ANK2: variants seen among roughly 807,000 people sequenced by gnomAD.
ANK2 encodes the protein ankyrin 2.
ANK2 carries 83 observed loss-of-function variants against 360.5 expected under a neutral mutation model. The ratio of observed to expected loss-of-function variants is 0.23; its 90% CI spans 0.19 to 0.28. The LOEUF (loss-of-function observed/expected upper bound fraction) is 0.28. Ranked by LOEUF, ANK2 falls within the 10% of genes least tolerant of loss-of-function variation. The probability of loss-of-function intolerance (pLI) is 1.00; values close to 1 mark genes in which losing one functional copy is unlikely to be tolerated. For missense variants in ANK2, 4,201 were observed against 4,795.7 expected (o/e 0.88, Z 3.66); for synonymous variants, 1,740 against 1,759.5 (o/e 0.99, Z 0.28).
In ANK2 at chr4:113,373,414, C is replaced by A. The variant is rs1344245343; in HGVS notation, c.11824C>A (p.Arg3942Ser). The A allele has an allele frequency of 2.5e-6, 4 of 1,614,006 alleles. No homozygotes were observed. Among genetic ancestry groups the A allele is most frequent in the African/African-American group, 1.3e-5 (1 of 74,908 alleles). Reference protein sequence around the residue: ...EGDGYSKVIKRVVLKSDTEQS... With the variant: ...EGDGYSKVIKSVVLKSDTEQS... ...GGATGGCTATTCCAAAGTTATAAAG[C>A]GTGTTGTATTGAAGAGTGACACCGA... The change falls in exon 45 of 46, where the codon CGT (arginine) becomes AGT (serine). Residue 3942 changes from arginine (R) to serine (S), a missense_variant. By Grantham distance (110) the Arg-to-Ser change is moderately radical. Around this residue, in one of 4 missense-constraint regions of ANK2, gnomAD observed 2,642 missense variants for 2,714.5 expected, o/e 0.97. Coordinates refer to ENST00000357077, the MANE Select transcript of ANK2 (RefSeq NM_001148.6).
intron 1 of ANK2, among the ~76,000 whole-genome samples, chr4:112,889,364 A>G (rs1048147153): frequency 6.6e-5 from 10 of 152,146 alleles, no homozygotes; most frequent in Non-Finnish European, 1.2e-4. Context: ...TGGGCAGAAT[A>G]CTATAGACTA....
chr4:112,885,075 T>A (rs896714119), intron 1 of ANK2, among the ~76,000 whole-genome samples: 11 of 152,254 alleles, frequency 7.2e-5, no homozygotes, highest in African/African-American at 2.2e-4. Context: ...ATTATTCTTT[T>A]ATTAAGTTTT....
At chr4:112,959,082 T>C (rs2033200316) in intron 2 of ANK2, among the ~76,000 whole-genome samples, 1 of 152,014 alleles carries the variant, frequency 6.6e-6, no homozygotes, top group Admixed American at 6.6e-5. Context: ...ACTCCTGACC[T>C]CAGGTGATCC....
At chr4:113,182,049 G>A (rs1023875375) in intron 2 of ANK2, among the ~76,000 whole-genome samples, 2 of 152,148 alleles carry the variant, frequency 1.3e-5, no homozygotes, top group African/African-American at 4.8e-5. Flanking sequence ...GAGAAGTGAG[G>A]TGTTTTACAG....
intron 14 of ANK2, among the ~76,000 whole-genome samples, chr4:113,272,268 C>T (rs547296964): frequency 6.7e-4 from 102 of 152,306 alleles, no homozygotes; most frequent in African/African-American, 2.4e-3. Flanking sequence ...CACCTACTTC[C>T]GGTCCAGGCT....
chr4:112,802,764 TAAAACA>T, the ANK2 span, among the ~76,000 whole-genome samples: 4 of 152,134 alleles, frequency 2.6e-5, no homozygotes, highest in South Asian at 2.1e-4. Flanking sequence ...ACATAGGAGT[TAAAACA>T]AAAACAAAAA....
chr4:112,813,443 A>T (rs2055442635), upstream of ANK2, among the ~76,000 whole-genome samples: 1 of 152,136 alleles, frequency 6.6e-6, no homozygotes, highest in South Asian at 2.1e-4. Context: ...TGGACAAGCA[A>T]TTCTTAAAAG....
At chr4:113,157,395 G>A (rs1227578087) in intron 1 of ANK2, among the ~76,000 whole-genome samples, 1 of 152,102 alleles carries the variant, frequency 6.6e-6, no homozygotes, top group Non-Finnish European at 1.5e-5. Context: ...TTGCTGTGAA[G>A]CTTAAAAAAA....
chr4:112,784,872 A>T, the ANK2 span, among the ~76,000 whole-genome samples: 1 of 152,204 alleles, frequency 6.6e-6, no homozygotes, highest in Non-Finnish European at 1.5e-5. Flanking sequence ...AAAGATTCTC[A>T]TTTGGTCTTA....
intron 1 of ANK2, among the ~76,000 whole-genome samples, chr4:113,057,481 G>GC (rs1580299386): frequency 1.3e-5 from 2 of 152,134 alleles, no homozygotes; most frequent in East Asian, 3.9e-4. Flanking sequence ...GCAGTGCAGA[G>GC]CCATAACCAT....
intron 1 of ANK2, chr4:112,826,622 G>A: frequency 8.0e-7 from 1 of 1,244,972 alleles, no homozygotes; most frequent in Non-Finnish European, 1.1e-6. Context: ...TAGTTCAGCA[G>A]GCTTCAGGAG....
At chr4:112,718,336 G>C in the ANK2 span, among the ~76,000 whole-genome samples, 1 of 152,134 alleles carries the variant, frequency 6.6e-6, no homozygotes, top group Non-Finnish European at 1.5e-5. Context: ...TTTGTTTTTC[G>C]GACAGTCTTG....
At chr4:113,313,673 G>A (rs2081248210) in intron 24 of ANK2, 1 of 151,850 alleles carries the variant, frequency 6.6e-6, no homozygotes, top group Admixed American at 6.6e-5. Flanking sequence ...TATCTGAATT[G>A]CTTTCACTAG....
At chr4:113,237,662 A>T in intron 7 of ANK2, 40 bp downstream of exon 7, 1 of 1,554,882 alleles carries the variant, frequency 6.4e-7, no homozygotes, top group Non-Finnish European at 8.9e-7. Context: ...CCTTGTCTTT[A>T]TTTTTAGTTT....
intron 1 of ANK2, among the ~76,000 whole-genome samples, chr4:113,130,877 T>C (rs2095981367): frequency 1.3e-5 from 2 of 152,224 alleles, no homozygotes; most frequent in African/African-American, 4.8e-5. Context: ...ACACATAGAT[T>C]GTACCAATGC....
rs1562826841 is a variant in ANK2, at chr4:113,199,065, A to G, written c.340A>G (p.Lys114Glu). ...TTTGGCTGGACAAGCAGAAGTTGTCAAAGTTCTTGTTAAGGAAGGAGCCAA... is the reference window on the plus strand; with the variant it reads ...TTTGGCTGGACAAGCAGAAGTTGTCGAAGTTCTTGTTAAGGAAGGAGCCAA... Reference protein sequence around the residue: ...ASLAGQAEVVKVLVKEGANIN... With the variant: ...ASLAGQAEVVEVLVKEGANIN... Residue 114 changes from lysine to glutamate, a missense_variant, in exon 4 of 46, where the codon AAA becomes GAA. Around this residue, in one of 4 missense-constraint regions of ANK2, gnomAD observed 169 missense variants for 191.1 expected, o/e 0.88. Transcript: ENST00000357077. 5 of 1,613,434 alleles carry G rather than the reference A, an allele frequency of 3.1e-6. No individual in the cohort carries two copies. The highest frequency in any genetic ancestry group is 1.3e-5 in the African/African-American group (1 of 74,898).
intron 1 of ANK2, among the ~76,000 whole-genome samples, chr4:113,137,585 A>G (rs1167861618): frequency 6.6e-6 from 1 of 150,932 alleles, no homozygotes; most frequent in East Asian, 1.9e-4. Flanking sequence ...GAAAACCCTT[A>G]ATTTTTAGAG....
intron 1 of ANK2, among the ~76,000 whole-genome samples, chr4:113,144,958 C>A (rs999971566): frequency 6.6e-6 from 1 of 151,678 alleles, no homozygotes; most frequent in Non-Finnish European, 1.5e-5. Context: ...ATTTGCTATG[C>A]TCATCTCAGT....
chr4:112,724,110 G>C, the ANK2 span, among the ~76,000 whole-genome samples: 5 of 150,802 alleles, frequency 3.3e-5, no homozygotes, highest in Non-Finnish European at 7.4e-5. Context: ...TGTCACCCAG[G>C]CTGGAGTGCA....
Sources: gnomAD v4.1 joint callset for allele counts (sites outside exome capture counted in the v4.1 genomes callset) on GRCh38, gnomAD v4.1.1 for gene constraint, gnomAD v4.1.1 regional missense constraint, MANE v1.5 for transcripts, NCBI Gene and HGNC (gene_info 2026-07-23, HGNC 2026-07-21) for gene names.